The following SPAG9 variants were observed in gnomAD, a reference collection of about 807,000 sequenced individuals.
SPAG9 encodes sperm associated antigen 9.
In SPAG9, 35 loss-of-function variants were observed where a neutral mutation model predicts 166.5. That is an observed-to-expected ratio of 0.21 (90% CI 0.16 to 0.28). SPAG9 has a LOEUF of 0.28. Among genes scored for constraint, SPAG9 ranks in the 10% least tolerant of loss-of-function variants. The pLI, the probability that SPAG9 is intolerant of heterozygous loss-of-function variation, is 1.00. For missense variants in SPAG9, 1,235 were observed against 1,603.3 expected (o/e 0.77, Z 3.92); for synonymous variants, 534 against 565.5 (o/e 0.94, Z 0.79).
At chr17:51,065,765 A>T (rs1292051807) in intron 2 of SPAG9, among the ~76,000 whole-genome samples, 2 of 152,176 alleles carry the variant, frequency 1.3e-5, no homozygotes, top group African/African-American at 4.8e-5. Flanking sequence ...AGTAGTAGTA[A>T]AAGTGATGTG....
chr17:51,002,117 G>T (rs1041807411), intron 12 of SPAG9, among the ~76,000 whole-genome samples: 32 of 152,092 alleles, frequency 2.1e-4, no homozygotes, highest in Admixed American at 2.1e-3. Context: ...CTGGGTTAAA[G>T]CAATCTGCCC....
At chr17:50,976,702 C>T (rs529352362) in intron 27 of SPAG9, 2 of 153,636 alleles carry the variant, frequency 1.3e-5, no homozygotes, top group South Asian at 2.0e-4. Flanking sequence ...TGAGAAACTT[C>T]TTCCACAACT....
chr17:51,100,298 G>A (rs2048772772), intron 1 of SPAG9, among the ~76,000 whole-genome samples: 1 of 146,114 alleles, frequency 6.8e-6, no homozygotes, highest in South Asian at 2.1e-4. Context: ...CAAGATAAAA[G>A]TATTTTTTAA....
At chr17:50,986,786 C>CATA (rs1440221391) in intron 22 of SPAG9, among the ~76,000 whole-genome samples, 1 of 152,170 alleles carries the variant, frequency 6.6e-6, no homozygotes, top group Non-Finnish European at 1.5e-5. Context: ...TTCTAGCCTA[C>CATA]ATAAATTAAA....
chr17:50,994,228 T>A (rs1324568057), intron 18 of SPAG9, among the ~76,000 whole-genome samples: 1 of 152,134 alleles, frequency 6.6e-6, no homozygotes, highest in Non-Finnish European at 1.5e-5. Context: ...TCTCACGAGA[T>A]CTGATGGGTT....
intron 2 of SPAG9, among the ~76,000 whole-genome samples, chr17:51,068,157 G>C (rs974004079): frequency 6.6e-6 from 1 of 152,152 alleles, no homozygotes; most frequent in Non-Finnish European, 1.5e-5. Context: ...TTGACATGTG[G>C]TCTTTCAGAA....
chr17:51,021,437 G>C, intron 6 of SPAG9, 72 bp from the exon 7 acceptor site: 1 of 1,209,308 alleles, frequency 8.3e-7, no homozygotes, highest in East Asian at 2.6e-5. Flanking sequence ...AATGGGTTGA[G>C]AAATAAATCT....
intron 1 of SPAG9, among the ~76,000 whole-genome samples, chr17:51,102,040 C>T (rs1360363902): frequency 2.0e-5 from 3 of 152,000 alleles, no homozygotes; most frequent in Admixed American, 2.0e-4. Context: ...TGTTGTTTTA[C>T]TCACCATTTT....
Position 51,077,025 on chromosome 17 carries a change from G to GCTATCTAGCTAGCTAT in SPAG9, c.424+2558_424+2559insATAGCTAGCTAGATAG, listed in dbSNP as rs2048007576. 1.6e-4 allele frequency among the ~76,000 whole-genome samples: 14 copies of GCTATCTAGCTAGCTAT among 86,756 alleles called. 1 individual carries two copies. The highest frequency in any genetic ancestry group is 6.5e-4 in the African/African-American group (14 of 21,540). 56.9% of individuals were successfully genotyped at this position (86,756 alleles called of 152,430 possible). A position where few individuals can be genotyped will look rare whatever the true frequency, so the allele number is the denominator to read the frequency against. ...ATCTAGCTAGCTAGCTAGCTATCTAGCTATCTATCTAGCTATCTAGCTATC... is the reference window on the plus strand; with the variant it reads ...ATCTAGCTAGCTAGCTAGCTATCTAGCTATCTAGCTAGCTATCTATCTATCTAGCTATCTAGCTATC... On this transcript the variant is annotated intron_variant, in intron 2 of 29. Transcript: ENST00000262013.
rs974585372 is a variant in SPAG9, at chr17:51,113,402, G to A, written c.303+6952C>T. On this transcript the variant is annotated intron_variant, in intron 1 of 29. Transcript: ENST00000262013. Reference sequence around the variant, plus strand: ...AAAAGAAAAAGCAAATAGGTTGGCCGGGCACAGTGTCTCACACCTGTAATC... The same window carrying A: ...AAAAGAAAAAGCAAATAGGTTGGCCAGGCACAGTGTCTCACACCTGTAATC... Among the ~76,000 whole-genome samples the A allele has an allele frequency of 1.9e-4, 29 of 150,970 alleles. 1 individual carries two copies. Among genetic ancestry groups the A allele is most frequent in the Admixed American group, 1.8e-3 (27 of 15,094 alleles).
intron 6 of SPAG9, among the ~76,000 whole-genome samples, chr17:51,022,654 A>G (rs1377880240): frequency 6.6e-6 from 1 of 151,230 alleles, no homozygotes; most frequent in Non-Finnish European, 1.5e-5. Context: ...TAATAATAAT[A>G]ATAATAACAA....
chr17:51,077,978 A>C (rs951218979), intron 2 of SPAG9, among the ~76,000 whole-genome samples: 2 of 151,662 alleles, frequency 1.3e-5, no homozygotes, highest in African/African-American at 4.8e-5. Context: ...TTTTTATCAT[A>C]AAGACAGGAT....
At chr17:51,000,569 A>G (rs1269257283) in intron 13 of SPAG9, among the ~76,000 whole-genome samples, 1 of 152,050 alleles carries the variant, frequency 6.6e-6, no homozygotes, top group Non-Finnish European at 1.5e-5. Flanking sequence ...CCCTGTCTCT[A>G]CTAAAAAATA....
At chr17:51,013,923 CACACACACAT>C (rs1315857616) in intron 9 of SPAG9, among the ~76,000 whole-genome samples, 1 of 150,686 alleles carries the variant, frequency 6.6e-6, no homozygotes, top group African/African-American at 2.5e-5. Flanking sequence ...CACACATACA[CACACACACAT>C]CACCATGTTC....
intron 10 of SPAG9, among the ~76,000 whole-genome samples, chr17:51,006,632 G>GA (rs2045230836): frequency 6.6e-6 from 1 of 152,198 alleles, no homozygotes; most frequent in Admixed American, 6.5e-5. Flanking sequence ...CTACGCTGAA[G>GA]AAAAAACCCT....
chr17:51,090,408 G>C (rs1300865384), intron 1 of SPAG9, among the ~76,000 whole-genome samples: 1 of 152,004 alleles, frequency 6.6e-6, no homozygotes, highest in Non-Finnish European at 1.5e-5. Flanking sequence ...GTAATCCCAG[G>C]TACTGGGGAG....
At chr17:51,008,141 T>C (rs774258343) in intron 9 of SPAG9, among the ~76,000 whole-genome samples, 1 of 152,162 alleles carries the variant, frequency 6.6e-6, no homozygotes, top group Non-Finnish European at 1.5e-5. Flanking sequence ...CAATACAAAC[T>C]TTCCTTCAAA....
At position 50,996,709 on chromosome 17, in the gene SPAG9, G is replaced by A; in HGVS notation, c.1839-15C>T. Reference sequence around the variant, plus strand: ...TAGCTTCAGTTCTAAAAGGAAAAAAGATTTTCCTAATTACATGAATACGTT... The same window carrying A: ...TAGCTTCAGTTCTAAAAGGAAAAAAAATTTTCCTAATTACATGAATACGTT... On this transcript the variant is annotated splice_polypyrimidine_tract_variant and intron_variant, in intron 15 of 29. Coordinates refer to ENST00000262013, the MANE Select transcript of SPAG9 (RefSeq NM_001130528.3). The A allele has an allele frequency of 6.2e-7, 1 of 1,612,774 alleles. No individual in the cohort carries two copies. The highest frequency in any genetic ancestry group is 8.5e-7 in the Non-Finnish European group (1 of 1,179,180).
chr17:51,058,442 T>C lies in SPAG9; in HGVS notation c.425-1960A>G, dbSNP rs149367119. Among the ~76,000 whole-genome samples the C allele has an allele frequency of 3.2e-3, 488 of 152,272 alleles. 2 individuals carry two copies. The highest frequency in any genetic ancestry group is 0.011 in the African/African-American group (468 of 41,554). On this transcript the variant is annotated intron_variant, in intron 2 of 29. Transcript: ENST00000262013. The stretch of plus-strand genomic sequence containing the variant: ...AGTAACTTGCCCAAAGTCACACAGA[T>C]AGAAAATGGCAAAGCAAGGATTCCT...
Sources: gnomAD v4.1 joint callset for allele counts (sites outside exome capture counted in the v4.1 genomes callset) on GRCh38, gnomAD v4.1.1 for gene constraint, MANE v1.5 for transcripts, NCBI Gene and HGNC (gene_info 2026-07-23, HGNC 2026-07-21) for gene names.